PTPRK: variants seen among roughly 807,000 people sequenced by gnomAD.
PTPRK encodes protein tyrosine phosphatase receptor type K, also known as receptor-type tyrosine-protein phosphatase kappa.
PTPRK carries 75 observed loss-of-function variants against 178.0 expected under a neutral mutation model. The observed-to-expected ratio is 0.42, with a 90% CI of 0.35 to 0.51. The LOEUF is 0.51. Ranked by LOEUF, PTPRK falls within the 20% of genes least tolerant of loss-of-function variation. The probability of loss-of-function intolerance (pLI) is 0.02; values close to 1 mark genes in which losing one functional copy is unlikely to be tolerated. For synonymous variants in PTPRK, 637 were observed against 620.6 expected, an observed-to-expected ratio of 1.03 and a Z score of -0.39; for missense variants, 1,441 against 1,797.8, an observed-to-expected ratio of 0.80 and a Z score of 3.59.
chr6:127,972,555 T>C (rs1257897191), intron 29 of PTPRK, among the ~76,000 whole-genome samples: 1 of 152,184 alleles, frequency 6.6e-6, no homozygotes, highest in Admixed American at 6.5e-5. Flanking sequence ...GCTGAAAACT[T>C]AACCATGATA....
intron 3 of PTPRK, among the ~76,000 whole-genome samples, chr6:128,317,064 T>G (rs189026421): frequency 6.6e-6 from 1 of 152,326 alleles, no homozygotes; most frequent in Admixed American, 6.5e-5. Flanking sequence ...TAAGCCACGA[T>G]GACCGTGTTA....
Position 128,083,723 on chromosome 6 carries a change from G to T in PTPRK, c.1567C>A (p.Gln523Lys). 1 of 1,581,422 alleles carries T rather than the reference G, an allele frequency of 6.3e-7. No individual in the cohort carries two copies. The highest frequency in any genetic ancestry group is 8.7e-7 in the Non-Finnish European group (1 of 1,154,780). Reference protein sequence around the residue: ...EPLDPNGIITQYEISYSSIRS... With the variant: ...EPLDPNGIITKYEISYSSIRS... ...CCTTGTTCTCCCAATACCTCATATTGAGTGATGATTCCATTTGGATCCAAA... is the reference window on the plus strand; with the variant it reads ...CCTTGTTCTCCCAATACCTCATATTTAGTGATGATTCCATTTGGATCCAAA... The change falls in exon 9 of 30, where the codon CAA (glutamine) becomes AAA (lysine). Residue 523 changes from glutamine to lysine, a missense_variant. By Grantham distance (53) the Gln-to-Lys change is moderately conservative. Coordinates refer to ENST00000368226, the MANE Select transcript of PTPRK (RefSeq NM_002844.4).
intron 1 of PTPRK, among the ~76,000 whole-genome samples, chr6:128,472,031 GT>G (rs1850745748): frequency 6.6e-6 from 1 of 151,970 alleles, no homozygotes; most frequent in South Asian, 2.1e-4. Context: ...AAAGAAGAGG[GT>G]GGAGAATGGA....
rs186958561 is a variant in PTPRK at position 128,152,222 on chromosome 6, G to A, written c.1162+32210C>T. ...AATCAAAGGGAAGATTTGTAGCTGA[G>A]AGTTAAGAGAATGGTTAGATGTTTT... On this transcript the variant is annotated intron_variant, in intron 7 of 29. Transcript: ENST00000368226. 9.1e-4 allele frequency among the ~76,000 whole-genome samples: 139 copies of A among 152,172 alleles called. 1 individual carries two copies. The highest frequency in any genetic ancestry group is 9.0e-3 in the Admixed American group (137 of 15,232).
chr6:128,000,611 C>A (rs1404784685), intron 15 of PTPRK, among the ~76,000 whole-genome samples: 1 of 151,978 alleles, frequency 6.6e-6, no homozygotes, highest in Non-Finnish European at 1.5e-5. Context: ...CACTATGCGA[C>A]CAAAGTCAAT....
intron 5 of PTPRK, among the ~76,000 whole-genome samples, chr6:128,226,348 T>C (rs1811288897): frequency 6.6e-6 from 1 of 152,190 alleles, no homozygotes; most frequent in Non-Finnish European, 1.5e-5. Flanking sequence ...AAGCAAATAA[T>C]CTGTTTGATA....
In PTPRK at chr6:128,302,259, G is replaced by A. The variant is rs376236723; in HGVS notation, c.495+19780C>T. On this transcript the variant is annotated intron_variant, in intron 3 of 29. Transcript: ENST00000368226. ...AAAACAAAATTAGCTGGGTGTGGTG[G>A]CGGGCGCCTGTAGTCCCAGCTACTA... Among the ~76,000 whole-genome samples, 12 of 151,968 alleles carry A rather than the reference G, an allele frequency of 7.9e-5. No individual in the cohort carries two copies. The South Asian group carries it at 2.5e-3, about 32-fold the overall frequency.
intron 7 of PTPRK, among the ~76,000 whole-genome samples, chr6:128,145,962 T>C (rs1796426741): frequency 6.6e-6 from 1 of 152,312 alleles, no homozygotes; most frequent in East Asian, 1.9e-4. Context: ...TTCTGGAAAA[T>C]GCTTCTTCCT....
At chr6:128,225,425 C>A (rs183045938) in intron 5 of PTPRK, among the ~76,000 whole-genome samples, 5 of 152,086 alleles carry the variant, frequency 3.3e-5, no homozygotes, top group African/African-American at 1.2e-4. Context: ...GTGAGGCTGA[C>A]GTGAAATTTA....
intron 1 of PTPRK, among the ~76,000 whole-genome samples, chr6:128,517,346 C>T (rs981049390): frequency 4.6e-5 from 7 of 152,148 alleles, no homozygotes; most frequent in Non-Finnish European, 7.3e-5. Context: ...TTCCAAGTCA[C>T]CTTACCTGCA....
intron 27 of PTPRK, among the ~76,000 whole-genome samples, chr6:127,974,756 C>A (rs1774334106): frequency 1.3e-5 from 2 of 152,146 alleles, no homozygotes; most frequent in Non-Finnish European, 2.9e-5. Context: ...AAGGATTATA[C>A]AATTTTCATG....
intron 8 of PTPRK, 43 bp downstream of exon 8, chr6:128,089,647 G>C: frequency 6.6e-7 from 1 of 1,510,578 alleles, no homozygotes. Flanking sequence ...CATTTTTCTT[G>C]TTAGAGAATT....
intron 7 of PTPRK, among the ~76,000 whole-genome samples, chr6:128,153,019 G>A (rs1562685037): frequency 2.0e-5 from 3 of 151,902 alleles, no homozygotes; most frequent in Non-Finnish European, 4.4e-5. Context: ...ACTAGAATTT[G>A]TCATGTGTCT....
intron 3 of PTPRK, among the ~76,000 whole-genome samples, chr6:128,252,000 G>A (rs1816543742): frequency 6.6e-6 from 1 of 152,148 alleles, no homozygotes; most frequent in South Asian, 2.1e-4. Flanking sequence ...GAATGATACT[G>A]TGTTTTGCCT....
chr6:128,068,865 G>A (rs1178263686), intron 11 of PTPRK, among the ~76,000 whole-genome samples: 1 of 151,538 alleles, frequency 6.6e-6, no homozygotes. Context: ...ATATTCAATG[G>A]ATCTCCAGGA....
At chr6:128,187,408 AGC>A (rs1203254076) in intron 6 of PTPRK, among the ~76,000 whole-genome samples, 3 of 152,164 alleles carry the variant, frequency 2.0e-5, no homozygotes, top group Non-Finnish European at 4.4e-5. Context: ...ACACATTAAT[AGC>A]TGTGTAATCT....
intron 13 of PTPRK, among the ~76,000 whole-genome samples, chr6:128,047,269 A>G (rs894502581): frequency 7.2e-5 from 11 of 152,152 alleles, no homozygotes; most frequent in African/African-American, 2.4e-4. Context: ...TTTTAGAGGG[A>G]GTGAGGAAGG....
At chr6:128,336,969 T>C (rs1481466528) in intron 2 of PTPRK, among the ~76,000 whole-genome samples, 1 of 152,140 alleles carries the variant, frequency 6.6e-6, no homozygotes, top group Non-Finnish European at 1.5e-5. Context: ...ATAAAAACCT[T>C]GCCATGCTAA....
chr6:128,492,753 T>A (rs887781893), intron 1 of PTPRK, among the ~76,000 whole-genome samples: 2 of 152,166 alleles, frequency 1.3e-5, no homozygotes, highest in African/African-American at 4.8e-5. Context: ...CTGAAAATAG[T>A]CTTAAGTTTT....
Sources: gnomAD v4.1 joint callset for allele counts (sites outside exome capture counted in the v4.1 genomes callset) on GRCh38, gnomAD v4.1.1 for gene constraint, MANE v1.5 for transcripts, NCBI Gene and HGNC (gene_info 2026-07-23, HGNC 2026-07-21) for gene names.